Variants in TBP observed in about 807,000 individuals in gnomAD.
The protein encoded by TBP is TATA-box binding protein.
TBP carries 12 observed loss-of-function variants against 46.2 expected under a neutral mutation model. The observed-to-expected ratio is 0.26, with a 90% confidence interval of 0.17 to 0.42. The LOEUF is 0.42. Among genes scored for constraint, TBP ranks in the 10% least tolerant of loss-of-function variants. TBP has a pLI of 1.00. For synonymous variants in TBP, 157 were observed against 148.3 expected (o/e 1.06, Z -0.42); for missense variants, 229 against 403.1 (o/e 0.57, Z 3.70).
In TBP at chr6:170,563,526, A is replaced by C. The variant is rs192690901; in HGVS notation, c.498-1019A>C. Among the ~76,000 whole-genome samples the C allele has an allele frequency of 2.6e-5, 4 of 152,388 alleles. No homozygotes were observed. In the East Asian group the frequency reaches 7.7e-4, roughly 29 times the overall value. ...ACTTGGTATAGTTCATAAGTGGACA[A>C]ATGCTAAAGGCAGGTGTGTATACAA... On this transcript the variant is annotated intron_variant, in intron 3 of 7. Coordinates refer to ENST00000392092, the MANE Select transcript of TBP (RefSeq NM_003194.5).
In TBP at chr6:170,561,973, G is replaced by A. The variant is rs749604546; in HGVS notation, c.237G>A (p.Gln79=). Residue 79 remains glutamine (Q), a synonymous_variant, in exon 3 of 8, where the codon CAG becomes CAA. Transcript: ENST00000392092. Reference sequence around the variant, plus strand: ...AGCAACAGCAACAGCAGCAGCAGCAGCAGCAGCAGCAGCAGCAGCAGCAGC... The same window carrying A: ...AGCAACAGCAACAGCAGCAGCAGCAACAGCAGCAGCAGCAGCAGCAGCAGC... ...QQQQQQQQQQ[Q]QQQQQQQQQQ... The A allele has an allele frequency of 2.5e-4, 343 of 1,374,522 alleles. No individual in the cohort carries two copies. The African/African-American group carries it at 4.9e-3, about 20-fold the overall frequency. The allele number at this position is 1,374,522 out of a possible 1,614,324, so 85.1% of individuals were successfully genotyped here.
chr6:170,569,828 A>G, intron 6 of TBP, 49 bp downstream of exon 6: 1 of 1,546,314 alleles, frequency 6.5e-7, no homozygotes, highest in Admixed American at 1.8e-5. Flanking sequence ...TTCATTTATA[A>G]TCTAAACATT....
chr6:170,563,358 A>G (rs557619238), intron 3 of TBP, among the ~76,000 whole-genome samples: 40 of 152,316 alleles, frequency 2.6e-4, no homozygotes, highest in African/African-American at 9.6e-4. Context: ...ACTATCTACT[A>G]AGAACCCTCC....
intron 7 of TBP, 125 bp from the exon 8 acceptor site, chr6:170,572,061 G>A: frequency 1.3e-6 from 1 of 741,230 alleles, no homozygotes; most frequent in Non-Finnish European, 2.4e-6. Flanking sequence ...TTTCATGCCT[G>A]TGCCTTAATC....
chr6:170,568,827 T>C (rs1186469367), intron 5 of TBP, among the ~76,000 whole-genome samples: 1 of 116,002 alleles, frequency 8.6e-6, no homozygotes, highest in East Asian at 2.3e-4. Flanking sequence ...TTTTTTTTTT[T>C]TTTTTTTTTT....
At position 170,572,617 on chromosome 6, in the gene TBP, T is replaced by C. The variant is rs369222150; in HGVS notation, c.*352T>C. On this transcript the variant is annotated 3_prime_UTR_variant, in exon 8 of 8. Transcript: ENST00000392092. Reference sequence around the variant, plus strand: ...CCACCTCTATAATTGATTGGACTTTTTAATTTTAATGTTTTTCCCCATGAA... The same window carrying C: ...CCACCTCTATAATTGATTGGACTTTCTAATTTTAATGTTTTTCCCCATGAA... The C allele has an allele frequency of 9.0e-5, 19 of 210,550 alleles. No individual in the cohort carries two copies. The East Asian group carries it at 1.2e-3, about 13-fold the overall frequency. The allele number at this position is 210,550 out of a possible 1,614,324, so 13.0% of individuals were successfully genotyped here.
chr6:170,571,289 G>A, intron 6 of TBP, 121 bp from the exon 7 acceptor site: 1 of 678,784 alleles, frequency 1.5e-6, no homozygotes, highest in Non-Finnish European at 2.5e-6. Flanking sequence ...GCTGCTTGAA[G>A]AACTGTGTTT....
Position 170,561,985 on chromosome 6 carries a change from G to GCAGCAACAGCAA in TBP, c.254_255insACAGCAACAGCA (p.Gln92_Gln95dup). 1 of 1,568,940 alleles carries GCAGCAACAGCAA rather than the reference G, an allele frequency of 6.4e-7. No individual in the cohort carries two copies. On this transcript the variant is annotated inframe_insertion, in exon 3 of 8. Coordinates refer to ENST00000392092, the MANE Select transcript of TBP (RefSeq NM_003194.5). Reference sequence around the variant, plus strand: ...AGCAGCAGCAGCAGCAGCAGCAGCAGCAGCAGCAGCAGCAGCAGCAGCAGC... The same window carrying GCAGCAACAGCAA: ...AGCAGCAGCAGCAGCAGCAGCAGCAGCAGCAACAGCAACAGCAGCAGCAGCAGCAGCAGCAGC...
chr6:170,557,210 A>G (rs997749715), intron 2 of TBP, 127 bp downstream of exon 2: 1 of 884,038 alleles, frequency 1.1e-6, no homozygotes, highest in Non-Finnish European at 1.8e-6. Flanking sequence ...TTTAAGCCTT[A>G]TTTTGTTGAG....
At chr6:170,564,982 C>T (rs1364078364) in intron 4 of TBP, among the ~76,000 whole-genome samples, 1 of 152,082 alleles carries the variant, frequency 6.6e-6, no homozygotes, top group East Asian at 1.9e-4. Context: ...CATAGTGAAA[C>T]CCCGTCTCTA....
rs568367361 is a variant in TBP at position 170,562,532 on chromosome 6, A to G, written c.497+299A>G. On this transcript the variant is annotated intron_variant, in intron 3 of 7. Transcript: ENST00000392092. The stretch of plus-strand genomic sequence containing the variant: ...TATTATATTATAGACATTTCCCTGT[A>G]TCTGATATCGCTAAATCACAATGTT... Among the ~76,000 whole-genome samples, 12 of 152,336 alleles carry G rather than the reference A, an allele frequency of 7.9e-5. No homozygotes were observed. The East Asian group carries it at 9.6e-4, about 12-fold the overall frequency.
chr6:170,561,791 G>T lies in TBP; in HGVS notation c.55G>T (p.Gly19Cys). 6.2e-7 allele frequency: 1 copy of T among 1,606,382 alleles called. No individual in the cohort carries two copies. Residue 19 changes from glycine (G) to cysteine (C), a missense_variant and splice_region_variant, in exon 3 of 8, where the codon GGT becomes TGT. By Grantham distance (159) the Gly-to-Cys change is radical. Coordinates refer to ENST00000392092, the MANE Select transcript of TBP (RefSeq NM_003194.5). ...PYAQGLASPQGAMTPGIPIFS... is the reference protein window; with the variant it reads ...PYAQGLASPQCAMTPGIPIFS... ...CTGTTTTTCTCCTTGCTTTCCACAGGGTGCCATGACTCCCGGAATCCCTAT... is the reference window on the plus strand; with the variant it reads ...CTGTTTTTCTCCTTGCTTTCCACAGTGTGCCATGACTCCCGGAATCCCTAT...
At chr6:170,563,050 GA>G in intron 3 of TBP, among the ~76,000 whole-genome samples, 1 of 152,134 alleles carries the variant, frequency 6.6e-6, no homozygotes, top group East Asian at 1.9e-4. Context: ...TGTAATCGTG[GA>G]TGCTGACTTT....
intron 5 of TBP, 88 bp from the exon 6 acceptor site, chr6:170,569,524 C>G (rs1204000453): frequency 1.7e-6 from 2 of 1,184,468 alleles, no homozygotes; most frequent in African/African-American, 3.1e-5. Context: ...TATTAGTTTA[C>G]TGTTTTGGAC....
Position 170,572,298 on chromosome 6 carries a change from CTTCTT to C in TBP, c.*36_*40del, listed in dbSNP as rs779168063. 2.0e-5 allele frequency: 30 copies of C among 1,518,950 alleles called. No individual in the cohort carries two copies. The South Asian group carries it at 3.5e-4, about 18-fold the overall frequency. The allele number at this position is 1,518,950 out of a possible 1,614,324, so 94.1% of individuals were successfully genotyped here. A position where few individuals can be genotyped will look rare whatever the true frequency, so the allele number is the denominator to read the frequency against. On this transcript the variant is annotated 3_prime_UTR_variant, in exon 8 of 8. Coordinates refer to ENST00000392092, the MANE Select transcript of TBP (RefSeq NM_003194.5). ...CATGTACCCTTGCCTCCCCCACCCC[CTTCTT>C]TTTTTTTTTTTAAACAAATCAGTTT...
chr6:170,555,167 G>C (rs922849332), intron 1 of TBP, among the ~76,000 whole-genome samples: 1 of 152,148 alleles, frequency 6.6e-6, no homozygotes, highest in Non-Finnish European at 1.5e-5. Flanking sequence ...ATCACTGTGC[G>C]GTTTCTTCTG....
rs748590964 is a variant in TBP at position 170,566,988 on chromosome 6, T to C, written c.656T>C (p.Met219Thr). Reference sequence around the variant, plus strand: ...GCACTGATTTTCAGTTCTGGGAAAATGGTGTGCACAGGAGCCAAGAGGTAG... The same window carrying C: ...GCACTGATTTTCAGTTCTGGGAAAACGGTGTGCACAGGAGCCAAGAGGTAG... ...TTALIFSSGK[M>T]VCTGAKSEEQ... Residue 219 changes from methionine to threonine, a missense_variant, in exon 5 of 8, where the codon ATG becomes ACG. By Grantham distance (81) the Met-to-Thr change is moderately conservative. Around this residue, in one of 4 missense-constraint regions of TBP, gnomAD observed 67 missense variants for 188.2 expected, o/e 0.36. Transcript: ENST00000392092. The C allele has an allele frequency of 6.2e-7, 1 of 1,613,588 alleles. No homozygotes were observed. The highest frequency in any genetic ancestry group is 1.1e-5 in the South Asian group (1 of 90,972).
At chr6:170,556,769 A>G (rs550847037) in intron 1 of TBP, 113 bp from the exon 2 acceptor site, 4 of 343,114 alleles carry the variant, frequency 1.2e-5, no homozygotes, top group Non-Finnish European at 2.1e-5. Context: ...TGTATTCCAA[A>G]ATAGCTTCAT....
Position 170,556,120 on chromosome 6 carries a change from CTGTT to C in TBP, c.-148-761_-148-758del, listed in dbSNP as rs553774936. On this transcript the variant is annotated intron_variant, in intron 1 of 7. Coordinates refer to ENST00000392092, the MANE Select transcript of TBP (RefSeq NM_003194.5). ...ATACATTCAGCAAATATCTGAGTGTCTGTTCTGTACCAGCACATGCTTGAAGTGC... is the reference window on the plus strand; with the variant it reads ...ATACATTCAGCAAATATCTGAGTGTCCTGTACCAGCACATGCTTGAAGTGC... Among the ~76,000 whole-genome samples, 18 of 152,334 alleles carry C rather than the reference CTGTT, an allele frequency of 1.2e-4. No homozygotes were observed. In the South Asian group the frequency reaches 3.5e-3, roughly 30 times the overall value.
Sources: allele counts gnomAD v4.1 joint callset (sites outside exome capture counted in the v4.1 genomes callset), GRCh38; gene constraint gnomAD v4.1.1; regional missense constraint gnomAD v4.1.1; transcripts MANE v1.5; gene names NCBI Gene and HGNC (gene_info 2026-07-23, HGNC 2026-07-21).